Variants in PTPRT observed in about 807,000 individuals in gnomAD.
PTPRT encodes the protein protein tyrosine phosphatase receptor type T.
In PTPRT, 56 loss-of-function variants were observed where a neutral mutation model predicts 176.8. The observed-to-expected ratio is 0.32, with a 90% CI of 0.26 to 0.40. The LOEUF (loss-of-function observed/expected upper bound fraction) is 0.40, where lower values mean the gene tolerates loss of function less well. Ranked by LOEUF, PTPRT falls within the 10% of genes least tolerant of loss-of-function variation. The pLI, the probability that PTPRT is intolerant of heterozygous loss-of-function variation, is 1.00. For missense variants in PTPRT, 1,540 were observed against 1,908.2 expected (o/e 0.81, Z 3.60); for synonymous variants, 783 against 739.0 (o/e 1.06, Z -0.96).
At chr20:42,266,345 C>T (rs952586848) in intron 13 of PTPRT, among the ~76,000 whole-genome samples, 21 of 152,298 alleles carry the variant, frequency 1.4e-4, no homozygotes, top group African/African-American at 4.8e-4. Context: ...TGACCTTTAG[C>T]ACAGCTACTC....
intron 11 of PTPRT, among the ~76,000 whole-genome samples, chr20:42,320,418 A>C (rs1429563652): frequency 6.6e-6 from 1 of 152,168 alleles, no homozygotes; most frequent in Non-Finnish European, 1.5e-5. Context: ...CTATATCTAG[A>C]AAAGTTTCTA....
At chr20:42,829,819 C>A (rs567652930) in intron 2 of PTPRT, among the ~76,000 whole-genome samples, 2 of 152,158 alleles carry the variant, frequency 1.3e-5, no homozygotes, top group African/African-American at 4.8e-5. Context: ...ACCATGAACA[C>A]CTCTATGCCC....
At position 42,841,142 on chromosome 20, in the gene PTPRT, C is replaced by A. The variant is rs2078270775; in HGVS notation, c.214+44665G>T. Among the ~76,000 whole-genome samples, 8 of 152,302 alleles carry A rather than the reference C, an allele frequency of 5.3e-5. No individual in the cohort carries two copies. In the South Asian group the frequency reaches 1.7e-3, roughly 32 times the overall value. On this transcript the variant is annotated intron_variant, in intron 2 of 30. Transcript: ENST00000373187. ...TCAGCCACAAAGCAGATATCCCACC[C>A]CATCCAGCTGCAGGTTTGGTACTTG...
Position 42,677,916 on chromosome 20 carries a change from C to A in PTPRT, c.1103G>T (p.Gly368Val), listed in dbSNP as rs887196694. 1 of 1,614,126 alleles carries A rather than the reference C, an allele frequency of 6.2e-7. No homozygotes were observed. Among genetic ancestry groups the A allele is most frequent in the Non-Finnish European group, 8.5e-7 (1 of 1,180,032 alleles). Residue 368 changes from glycine to valine, a missense_variant, in exon 7 of 31, where the codon GGG becomes GTG. Around this residue, in one of 11 missense-constraint regions of PTPRT, gnomAD observed 273 missense variants for 432.1 expected, o/e 0.63. Transcript: ENST00000373187. ...GGGAGGCCCTGGCGGTCCCGTACCC[C>A]CCTCACCTGGTCGTGTGAGGAGCAC... Reference protein sequence around the residue: ...IRVLLTRPGEGGTGPPGPPLT... With the variant: ...IRVLLTRPGEVGTGPPGPPLT...
At chr20:42,090,111 G>A (rs965341705) in intron 27 of PTPRT, among the ~76,000 whole-genome samples, 6 of 152,080 alleles carry the variant, frequency 3.9e-5, no homozygotes, top group African/African-American at 1.4e-4. Flanking sequence ...AGTTTGTTAT[G>A]AGTGGCTGTG....
At chr20:42,315,349 A>G (rs562300762) in intron 12 of PTPRT, among the ~76,000 whole-genome samples, 33 of 152,154 alleles carry the variant, frequency 2.2e-4, no homozygotes, top group Non-Finnish European at 4.6e-4. Flanking sequence ...AGATATTATT[A>G]TTATATATGA....
At chr20:42,844,700 A>G (rs905564781) in intron 2 of PTPRT, among the ~76,000 whole-genome samples, 6 of 152,134 alleles carry the variant, frequency 3.9e-5, no homozygotes, top group Admixed American at 3.9e-4. Context: ...CTCCTGACTC[A>G]CCAAAAATAC....
intron 5 of PTPRT, among the ~76,000 whole-genome samples, chr20:42,770,817 AAAAGGTCATAGTTAC>A (rs2077051551): frequency 6.6e-6 from 1 of 152,194 alleles, no homozygotes; most frequent in African/African-American, 2.4e-5. Flanking sequence ...GGGTAGTTGG[AAAAGGTCATAGTTAC>A]AAATTCTAGT....
At chr20:42,816,202 G>A (rs917736929) in intron 2 of PTPRT, among the ~76,000 whole-genome samples, 1 of 152,178 alleles carries the variant, frequency 6.6e-6, no homozygotes, top group Non-Finnish European at 1.5e-5. Flanking sequence ...TGAAATAAGA[G>A]AAGTTGATAG....
At chr20:42,929,063 C>T (rs1292846919) in intron 1 of PTPRT, among the ~76,000 whole-genome samples, 1 of 152,226 alleles carries the variant, frequency 6.6e-6, no homozygotes, top group Non-Finnish European at 1.5e-5. Flanking sequence ...AGAGCAGGTA[C>T]TGCAGGTAAG....
intron 9 of PTPRT, among the ~76,000 whole-genome samples, chr20:42,404,113 C>A (rs1173234147): frequency 6.6e-6 from 1 of 152,180 alleles, no homozygotes; most frequent in African/African-American, 2.4e-5. Flanking sequence ...TAGATATTCA[C>A]CAAAGCTAAT....
At chr20:42,084,985 C>T (rs1360554151) in intron 28 of PTPRT, 140 bp from the exon 29 acceptor site, 7 of 609,874 alleles carry the variant, frequency 1.1e-5, no homozygotes, top group Non-Finnish European at 1.7e-5. Context: ...GGGAGAGTCC[C>T]CATGACTACT....
intron 15 of PTPRT, among the ~76,000 whole-genome samples, chr20:42,202,123 C>A (rs1341882470): frequency 6.6e-6 from 1 of 152,118 alleles, no homozygotes; most frequent in Non-Finnish European, 1.5e-5. Flanking sequence ...GTGTCTGCCA[C>A]CGCATCCAGC....
chr20:42,507,472 A>G (rs1004149041), intron 7 of PTPRT, among the ~76,000 whole-genome samples: 3 of 152,136 alleles, frequency 2.0e-5, no homozygotes, highest in Non-Finnish European at 4.4e-5. Context: ...GAGGAGAACC[A>G]AAAACATTGG....
chr20:43,010,645 C>A (rs2146149886), intron 1 of PTPRT, among the ~76,000 whole-genome samples: 1 of 152,080 alleles, frequency 6.6e-6, no homozygotes, highest in East Asian at 1.9e-4. Context: ...CAATCAACAT[C>A]ATCATCGCAT....
At chr20:43,080,985 C>A (rs879163360) in intron 1 of PTPRT, among the ~76,000 whole-genome samples, 1 of 152,218 alleles carries the variant, frequency 6.6e-6, no homozygotes, top group Admixed American at 6.5e-5. Context: ...ACCATCCTTG[C>A]ACTTCAGGGA....
At chr20:42,052,400 T>G in the PTPRT span, among the ~76,000 whole-genome samples, 1 of 152,154 alleles carries the variant, frequency 6.6e-6, no homozygotes, top group Non-Finnish European at 1.5e-5. Flanking sequence ...ACCCTGTGGG[T>G]CCCAGTGATG....
intron 16 of PTPRT, among the ~76,000 whole-genome samples, chr20:42,166,634 C>T (rs1155527): frequency 0.22 from 33,386 of 152,002 alleles, 4,198 homozygotes; most frequent in African/African-American, 0.32. Flanking sequence ...GAGAAGAAGT[C>T]GGGGCCAGGT....
intron 17 of PTPRT, among the ~76,000 whole-genome samples, chr20:42,145,125 C>T (rs1988803222): frequency 1.3e-5 from 2 of 152,060 alleles, no homozygotes. Context: ...ATACTCAACT[C>T]TACTGTTGTA....
Sources: gnomAD v4.1 joint callset for allele counts (sites outside exome capture counted in the v4.1 genomes callset) on GRCh38, gnomAD v4.1.1 for gene constraint, gnomAD v4.1.1 regional missense constraint, MANE v1.5 for transcripts, NCBI Gene and HGNC (gene_info 2026-07-23, HGNC 2026-07-21) for gene names.